ZFPM2: variants seen among roughly 807,000 people sequenced by gnomAD.
The protein encoded by ZFPM2 is zinc finger protein, FOG family member 2.
In ZFPM2, 20 loss-of-function variants were observed where a neutral mutation model predicts 98.6. That is an observed-to-expected ratio of 0.20 (90% CI 0.14 to 0.29). The LOEUF is 0.29. Ranked by LOEUF, ZFPM2 falls within the 10% of genes least tolerant of loss-of-function variation. The pLI, the probability that ZFPM2 is intolerant of heterozygous loss-of-function variation, is 1.00. For missense variants in ZFPM2, 1,310 were observed against 1,388.6 expected (o/e 0.94, Z 0.90); for synonymous variants, 518 against 502.7 (o/e 1.03, Z -0.41).
chr8:105,319,066 CG>C, intron 1 of ZFPM2, 85 bp downstream of exon 1: 1 of 1,420,522 alleles, frequency 7.0e-7, no homozygotes, highest in Non-Finnish European at 9.4e-7. Context: ...GGGTGGGTGG[CG>C]GGGCTAGGGG....
chr8:105,637,596 T>C (rs994959192), intron 5 of ZFPM2, among the ~76,000 whole-genome samples: 17 of 152,150 alleles, frequency 1.1e-4, no homozygotes, highest in Admixed American at 8.5e-4. Flanking sequence ...ATTTCTAGTA[T>C]TTAGAGTGCC....
chr8:105,708,231 T>G (rs1198829172), intron 5 of ZFPM2, among the ~76,000 whole-genome samples: 2 of 152,174 alleles, frequency 1.3e-5, no homozygotes, highest in Non-Finnish European at 2.9e-5. Context: ...AATTGGAGAA[T>G]CATCATATTA....
rs187065654 is a variant in ZFPM2, at chr8:105,509,168, G to T, written c.302-52195G>T. On this transcript the variant is annotated intron_variant, in intron 3 of 7. Transcript: ENST00000407775. ...GATTGGGTTCTGTGGCTACACATCTGTACCTCAAAGGAAGCAGAGCTGTGA... is the reference window on the plus strand; with the variant it reads ...GATTGGGTTCTGTGGCTACACATCTTTACCTCAAAGGAAGCAGAGCTGTGA... Among the ~76,000 whole-genome samples the T allele has an allele frequency of 2.0e-3, 311 of 152,304 alleles. 3 individuals are homozygous for T. The highest frequency in any genetic ancestry group is 2.3e-3 in the Non-Finnish European group (159 of 68,022).
At chr8:105,397,228 A>G (rs930848877) in intron 1 of ZFPM2, among the ~76,000 whole-genome samples, 18 of 152,134 alleles carry the variant, frequency 1.2e-4, no homozygotes, top group Admixed American at 1.3e-4. Flanking sequence ...TATTGATGTC[A>G]TAGTAAAGAT....
rs373483337 is a variant in ZFPM2, at chr8:105,802,437, C to A, written c.2355C>A (p.His785Gln). The change falls in exon 8 of 8, where the codon CAC (histidine) becomes CAA (glutamine). Residue 785 changes from histidine to glutamine, a missense_variant. Physicochemically the swap from His to Gln is conservative, Grantham distance 24 (BLOSUM62 0). Coordinates refer to ENST00000407775, the MANE Select transcript of ZFPM2 (RefSeq NM_012082.4). ...CAGAAGGGCTAGGAGAGTGCTACCA[C>A]CCAAGATGTGATATCTTTCCAGGAA... The part of the protein sequence containing the change: ...EPTEGLGECY[H>Q]PRCDIFPGIV... 5.6e-6 allele frequency: 9 copies of A among 1,613,766 alleles called. No homozygotes were observed. The East Asian group carries it at 2.0e-4, about 36-fold the overall frequency.
chr8:105,474,142 A>C (rs1198817344), intron 3 of ZFPM2, among the ~76,000 whole-genome samples: 1 of 152,204 alleles, frequency 6.6e-6, no homozygotes, highest in Non-Finnish European at 1.5e-5. Flanking sequence ...TCCCGAATAA[A>C]ATCTAAGATT....
chr8:105,675,310 T>G (rs1228400979), intron 5 of ZFPM2, among the ~76,000 whole-genome samples: 1 of 152,178 alleles, frequency 6.6e-6, no homozygotes, highest in Non-Finnish European at 1.5e-5. Flanking sequence ...TTAGGAAAAT[T>G]TCTTCTGAGA....
intron 3 of ZFPM2, among the ~76,000 whole-genome samples, chr8:105,452,478 T>C (rs895075176): frequency 5.3e-5 from 8 of 152,102 alleles, no homozygotes; most frequent in African/African-American, 1.9e-4. Context: ...CCAGGCATGG[T>C]GTCTCATGCC....
chr8:105,563,158 T>G (rs1815174680), intron 4 of ZFPM2, among the ~76,000 whole-genome samples: 1 of 152,174 alleles, frequency 6.6e-6, no homozygotes, highest in Non-Finnish European at 1.5e-5. Flanking sequence ...ACAGGTGTAC[T>G]GGGTTCAGCA....
At chr8:105,600,297 T>C (rs1816064811) in intron 4 of ZFPM2, among the ~76,000 whole-genome samples, 1 of 152,132 alleles carries the variant, frequency 6.6e-6, no homozygotes, top group African/African-American at 2.4e-5. Flanking sequence ...TAATGATGGA[T>C]TTGGGAATAA....
At chr8:105,378,006 G>T (rs1359208987) in intron 1 of ZFPM2, among the ~76,000 whole-genome samples, 2 of 152,148 alleles carry the variant, frequency 1.3e-5, no homozygotes, top group Non-Finnish European at 2.9e-5. Context: ...AAGGATGACT[G>T]CTGTGATGGA....
intron 5 of ZFPM2, among the ~76,000 whole-genome samples, chr8:105,697,265 A>G (rs564528234): frequency 1.3e-5 from 2 of 152,350 alleles, no homozygotes; most frequent in African/African-American, 2.4e-5. Context: ...ATTTTGCAGT[A>G]TTATAAATGC....
At chr8:105,478,464 C>G (rs1241632876) in intron 3 of ZFPM2, among the ~76,000 whole-genome samples, 1 of 152,164 alleles carries the variant, frequency 6.6e-6, no homozygotes. Context: ...AGACTGGACC[C>G]ATACTTAAAA....
At chr8:105,598,659 A>G (rs895870283) in intron 4 of ZFPM2, among the ~76,000 whole-genome samples, 2 of 152,078 alleles carry the variant, frequency 1.3e-5, no homozygotes, top group Admixed American at 6.6e-5. Flanking sequence ...TTTATTTCCA[A>G]AATGCTGACT....
At chr8:105,747,245 A>C (rs1586236234) in intron 5 of ZFPM2, among the ~76,000 whole-genome samples, 1 of 152,218 alleles carries the variant, frequency 6.6e-6, no homozygotes, top group Non-Finnish European at 1.5e-5. Context: ...TAACATTTCC[A>C]AATTGTAAAA....
chr8:105,427,739 T>C (rs975651215), intron 2 of ZFPM2, among the ~76,000 whole-genome samples: 1 of 152,168 alleles, frequency 6.6e-6, no homozygotes. Context: ...CCTTAAAAGG[T>C]CAAGTAAAAA....
At chr8:105,782,237 T>C (rs1424270995) in intron 5 of ZFPM2, 1 of 152,246 alleles carries the variant, frequency 6.6e-6, no homozygotes, top group African/African-American at 2.4e-5. Context: ...TAGCACATGA[T>C]GATGGAAGCA....
intron 3 of ZFPM2, among the ~76,000 whole-genome samples, chr8:105,541,342 T>G (rs1486695895): frequency 6.6e-6 from 1 of 152,154 alleles, no homozygotes; most frequent in South Asian, 2.1e-4. Context: ...ATCACACAGT[T>G]GTTAAATAGC....
chr8:105,568,806 G>A (rs1000594503), intron 4 of ZFPM2, among the ~76,000 whole-genome samples: 3 of 152,056 alleles, frequency 2.0e-5, no homozygotes, highest in Admixed American at 6.6e-5. Flanking sequence ...CCTAAAAAAG[G>A]CCTTCCTGTT....
Sources: gnomAD v4.1 joint callset for allele counts (sites outside exome capture counted in the v4.1 genomes callset) on GRCh38, gnomAD v4.1.1 for gene constraint, MANE v1.5 for transcripts, NCBI Gene and HGNC (gene_info 2026-07-23, HGNC 2026-07-21) for gene names.